The following LUZP2 variants were observed in gnomAD, a reference collection of about 807,000 sequenced individuals.
LUZP2 encodes the protein leucine zipper protein 2.
LUZP2 carries 52 observed loss-of-function variants against 51.6 expected under a neutral mutation model. The ratio of observed to expected loss-of-function variants is 1.01; its 90% confidence interval spans 0.81 to 1.27. The LOEUF (loss-of-function observed/expected upper bound fraction) is 1.27. Among genes scored for constraint, LUZP2 ranks in the 50% most tolerant of loss-of-function variants. The probability of loss-of-function intolerance (pLI) is 0.00; values close to 1 mark genes in which losing one functional copy is unlikely to be tolerated. For synonymous variants in LUZP2, 154 were observed against 137.3 expected, an observed-to-expected ratio of 1.12 and a Z score of -0.85; for missense variants, 436 against 395.4, an observed-to-expected ratio of 1.10 and a Z score of -0.87.
intron 1 of LUZP2, among the ~76,000 whole-genome samples, chr11:24,682,539 G>A (rs575477106): frequency 7.1e-6 from 1 of 141,764 alleles, no homozygotes; most frequent in African/African-American, 2.6e-5. Flanking sequence ...GGTTCAGTGT[G>A]TATATGTATA....
intron 5 of LUZP2, among the ~76,000 whole-genome samples, chr11:24,824,271 CA>C (rs931652252): frequency 4.1e-5 from 6 of 145,736 alleles, no homozygotes; most frequent in African/African-American, 1.5e-4. Context: ...GAGGCTGAGG[CA>C]GGAGAATAGC....
chr11:24,762,825 ATAT>A (rs1860031195), intron 4 of LUZP2: 1 of 170,174 alleles, frequency 5.9e-6, no homozygotes, highest in East Asian at 1.9e-4. Flanking sequence ...GAGGTAAGGG[ATAT>A]TATTATGTAA....
At chr11:24,540,262 A>G (rs956543635) in intron 1 of LUZP2, among the ~76,000 whole-genome samples, 6 of 152,104 alleles carry the variant, frequency 3.9e-5, no homozygotes, top group Non-Finnish European at 8.8e-5. Context: ...GAAGTGTTAT[A>G]GATTGAATGT....
chr11:24,513,802 C>T (rs1850383150), intron 1 of LUZP2, among the ~76,000 whole-genome samples: 1 of 152,188 alleles, frequency 6.6e-6, no homozygotes, highest in East Asian at 1.9e-4. Context: ...AAGATCACCA[C>T]CTTTTGTCTC....
chr11:24,725,332 G>T (rs1326713449), intron 1 of LUZP2, among the ~76,000 whole-genome samples: 5 of 152,096 alleles, frequency 3.3e-5, no homozygotes, highest in Admixed American at 1.3e-4. Context: ...AAAATCAGCA[G>T]GGGAAGTATT....
intron 1 of LUZP2, among the ~76,000 whole-genome samples, chr11:24,621,925 T>C (rs1056708220): frequency 2.6e-5 from 4 of 151,562 alleles, no homozygotes; most frequent in African/African-American, 9.7e-5. Context: ...CAGTTTCTTG[T>C]GAACACTGCA....
At chr11:24,816,346 A>G (rs1422864969) in intron 5 of LUZP2, among the ~76,000 whole-genome samples, 7 of 151,952 alleles carry the variant, frequency 4.6e-5, no homozygotes, top group Admixed American at 4.6e-4. Context: ...AAAAGTTTAG[A>G]TTATAGCAAT....
At chr11:24,603,816 T>C (rs1853823670) in intron 1 of LUZP2, among the ~76,000 whole-genome samples, 1 of 151,752 alleles carries the variant, frequency 6.6e-6, no homozygotes, top group Non-Finnish European at 1.5e-5. Context: ...AACCTTCTTG[T>C]GAGGCAGTAA....
intron 3 of LUZP2, among the ~76,000 whole-genome samples, chr11:24,735,623 T>C (rs761623282): frequency 6.6e-6 from 1 of 151,920 alleles, no homozygotes; most frequent in African/African-American, 2.4e-5. Context: ...AATGCCTTTT[T>C]GTAGAGTGAT....
rs190319980 is a variant in LUZP2, at chr11:24,714,321, G to C, written c.63-14848G>C. ...AGTAAATAAAGTAAAATAAAAAAAG[G>C]AAAACAAAAAGAAAATATGCTTTTC... On this transcript the variant is annotated intron_variant, in intron 1 of 11. Transcript: ENST00000336930. 1.6e-3 allele frequency among the ~76,000 whole-genome samples: 249 copies of C among 152,076 alleles called. 1 individual carries two copies. The Middle Eastern group carries it at 0.031, about 19-fold the overall frequency.
At chr11:25,030,966 TATATTATATATATATAATAC>T (rs1857652533) in intron 9 of LUZP2, among the ~76,000 whole-genome samples, 1 of 12,654 alleles carries the variant, frequency 7.9e-5, no homozygotes, top group Non-Finnish European at 1.2e-4. Context: ...TAATACAATA[TATATTATATATATATAATAC>T]AATATATATT....
At position 24,963,264 on chromosome 11, in the gene LUZP2, C is replaced by T. The variant is rs574246540; in HGVS notation, c.523-13327C>T. Among the ~76,000 whole-genome samples, 39 of 152,312 alleles carry T rather than the reference C, an allele frequency of 2.6e-4. No individual in the cohort carries two copies. In the South Asian group the frequency reaches 3.7e-3, roughly 15 times the overall value. ...CTGCCGGTTCTCAGATCTCCAGCTGCGTGCTGGGAGAACCACTGCTCTCTT... is the reference window on the plus strand; with the variant it reads ...CTGCCGGTTCTCAGATCTCCAGCTGTGTGCTGGGAGAACCACTGCTCTCTT... On this transcript the variant is annotated intron_variant, in intron 7 of 11. Transcript: ENST00000336930.
intron 5 of LUZP2, among the ~76,000 whole-genome samples, chr11:24,878,269 A>C (rs1852341107): frequency 6.6e-6 from 1 of 151,988 alleles, no homozygotes; most frequent in Non-Finnish European, 1.5e-5. Context: ...TGTCTGGGAA[A>C]GTCTTTATTT....
chr11:24,986,842 A>G (rs994992024), intron 9 of LUZP2, among the ~76,000 whole-genome samples: 13 of 151,772 alleles, frequency 8.6e-5, no homozygotes, highest in Non-Finnish European at 1.5e-4. Flanking sequence ...CATATCACCA[A>G]GAATCCTACC....
At chr11:24,940,317 GA>G (rs1380090040) in intron 7 of LUZP2, among the ~76,000 whole-genome samples, 3 of 151,522 alleles carry the variant, frequency 2.0e-5, no homozygotes, top group Middle Eastern at 3.2e-3. Context: ...GGGTAGTAAG[GA>G]AAAAAAATAG....
At chr11:24,752,471 A>G (rs1349727039) in intron 4 of LUZP2, among the ~76,000 whole-genome samples, 2 of 152,224 alleles carry the variant, frequency 1.3e-5, no homozygotes, top group Non-Finnish European at 2.9e-5. Flanking sequence ...AAACAGAATA[A>G]ACAGCAGACT....
intron 9 of LUZP2, among the ~76,000 whole-genome samples, chr11:24,992,952 A>G (rs1442828553): frequency 6.6e-6 from 1 of 152,138 alleles, no homozygotes; most frequent in Non-Finnish European, 1.5e-5. Context: ...TTTGAAAATT[A>G]CCTGAAGTGA....
chr11:24,695,021 C>A (rs12574734), intron 1 of LUZP2, among the ~76,000 whole-genome samples: 4 of 151,790 alleles, frequency 2.6e-5, no homozygotes, highest in Non-Finnish European at 4.4e-5. Context: ...TGCAGCAAAC[C>A]ACCATGGTAC....
chr11:24,821,985 G>A lies in LUZP2; in HGVS notation c.396+58677G>A, dbSNP rs182422516. On this transcript the variant is annotated intron_variant, in intron 5 of 11. Coordinates refer to ENST00000336930, the MANE Select transcript of LUZP2 (RefSeq NM_001009909.4). ...CATAACCTGGTATAATGGTGATTTC[G>A]TTGTGTTACTATTGACAGTTTACTT... Among the ~76,000 whole-genome samples the A allele has an allele frequency of 1.6e-3, 236 of 149,828 alleles. 1 individual carries two copies. Among genetic ancestry groups the A allele is most frequent in the East Asian group, 0.014 (73 of 5,116 alleles).
Sources: gnomAD v4.1 joint callset for allele counts (sites outside exome capture counted in the v4.1 genomes callset) on GRCh38, gnomAD v4.1.1 for gene constraint, MANE v1.5 for transcripts, NCBI Gene and HGNC (gene_info 2026-07-23, HGNC 2026-07-21) for gene names.